Variants in SLC35E3 observed in about 807,000 individuals in gnomAD.
The protein encoded by SLC35E3 is bladder cancer-overexpressed gene 1 protein.
Under a neutral mutation model 30.8 loss-of-function variants are expected in SLC35E3, and 28 were observed. The ratio of observed to expected loss-of-function variants is 0.91; its 90% CI spans 0.67 to 1.25. The LOEUF (loss-of-function observed/expected upper bound fraction) is 1.25. Among genes scored for constraint, SLC35E3 ranks in the 50% most tolerant of loss-of-function variants. The probability of loss-of-function intolerance (pLI) is 0.00; values close to 1 mark genes in which losing one functional copy is unlikely to be tolerated. For missense variants in SLC35E3, 365 were observed against 375.4 expected (o/e 0.97, Z 0.23); for synonymous variants, 146 against 149.2 (o/e 0.98, Z 0.16).
At position 68,772,946 on chromosome 12, in the gene SLC35E3, G is replaced by C. The variant is rs78416519; in HGVS notation, c.*8056G>C. 5,005 of 152,420 alleles carry C rather than the reference G, an allele frequency of 0.033. 269 individuals carry two copies. The highest frequency in any genetic ancestry group is 0.11 in the African/African-American group (4,675 of 41,516). The allele number at this position is 152,420 out of a possible 1,614,324, so 9.4% of individuals were successfully genotyped here. A position where few individuals can be genotyped will look rare whatever the true frequency, so the allele number is the denominator to read the frequency against. Reference sequence around the variant, plus strand: ...AAAGCTCAAGAAGCAGGTCAAGGGGGTGGGTAAGGAAGATGGGACGTTCAA... The same window carrying C: ...AAAGCTCAAGAAGCAGGTCAAGGGGCTGGGTAAGGAAGATGGGACGTTCAA... On this transcript the variant is annotated 3_prime_UTR_variant, in exon 5 of 5. Transcript: ENST00000398004.
rs1592553252 is a variant in SLC35E3 at position 68,780,105 on chromosome 12, TATTTAA to T, written c.*15220_*15225del. 1 of 152,220 alleles carries T rather than the reference TATTTAA, an allele frequency of 6.6e-6. No homozygotes were observed. The highest frequency in any genetic ancestry group is 1.5e-5 in the Non-Finnish European group (1 of 68,044). The allele number at this position is 152,220 out of a possible 1,614,324, so 9.4% of individuals were successfully genotyped here. A position where few individuals can be genotyped will look rare whatever the true frequency, so the allele number is the denominator to read the frequency against. ...GGTTATCCCAAACCAGTTATATTTT[TATTTAA>T]ATTTGCTCAAAATTTTTATTTTTAA... On this transcript the variant is annotated 3_prime_UTR_variant, in exon 5 of 5. Transcript: ENST00000398004.
Position 68,765,119 on chromosome 12 carries a change from G to T in SLC35E3, c.*229G>T, listed in dbSNP as rs1180358621. The T allele has an allele frequency of 1.3e-5, 4 of 306,832 alleles. No homozygotes were observed. The highest frequency in any genetic ancestry group is 2.5e-5 in the Non-Finnish European group (4 of 162,844). The allele number at this position is 306,832 out of a possible 1,614,324, so 19.0% of individuals were successfully genotyped here. On this transcript the variant is annotated 3_prime_UTR_variant, in exon 5 of 5. Coordinates refer to ENST00000398004, the MANE Select transcript of SLC35E3 (RefSeq NM_018656.5). Reference sequence around the variant, plus strand: ...TAATAATACAAAATTAGCCAGGCGTGGTGGCGCATGCCTGTAATCCCAGCT... The same window carrying T: ...TAATAATACAAAATTAGCCAGGCGTTGTGGCGCATGCCTGTAATCCCAGCT...
rs578034824 is a variant in SLC35E3 at position 68,757,980 on chromosome 12, T to C, written c.673-1177T>C. 4.6e-5 allele frequency among the ~76,000 whole-genome samples: 7 copies of C among 151,306 alleles called. No individual in the cohort carries two copies. The East Asian group carries it at 1.4e-3, about 29-fold the overall frequency. ...GGTGGCATGGGCCTGTAATCCCAGC[T>C]ACTGGGGAGGCTGAGGCAGAAGAAT... is the stretch of plus-strand genomic sequence containing the variant. On this transcript the variant is annotated intron_variant, in intron 3 of 4. Coordinates refer to ENST00000398004, the MANE Select transcript of SLC35E3 (RefSeq NM_018656.5).
In SLC35E3 at chr12:68,746,759, A is replaced by T. The variant is rs1192679329; in HGVS notation, c.382A>T (p.Thr128Ser). 6.3e-7 allele frequency: 1 copy of T among 1,590,882 alleles called. No homozygotes were observed. The highest frequency in any genetic ancestry group is 2.3e-5 in the East Asian group (1 of 44,406). Reference protein sequence around the residue: ...QTFCYQKTFSTRIQLTLIPIT... With the variant: ...QTFCYQKTFSSRIQLTLIPIT... ...CTTCTGCTACCAGAAAACCTTCTCC[A>T]CCAGAATCCAGCTCACGCTGGTGAG... is the stretch of plus-strand genomic sequence containing the variant. Residue 128 changes from threonine to serine, a missense_variant, in exon 1 of 5, where the codon ACC (threonine) becomes TCC (serine). Transcript: ENST00000398004.
rs1879709809 is a variant in SLC35E3 at position 68,775,245 on chromosome 12, CT to C, written c.*10358del. On this transcript the variant is annotated 3_prime_UTR_variant, in exon 5 of 5. Transcript: ENST00000398004. ...TGGAGGACCTGCTCTGTCTGTCGGACTTTGGAACTCAGGAAGCAACAACTAA... is the reference window on the plus strand; with the variant it reads ...TGGAGGACCTGCTCTGTCTGTCGGACTTGGAACTCAGGAAGCAACAACTAA... The C allele has an allele frequency of 6.6e-6, 1 of 152,232 alleles. No homozygotes were observed. The highest frequency in any genetic ancestry group is 1.5e-5 in the Non-Finnish European group (1 of 68,052). The allele number at this position is 152,232 out of a possible 1,614,324, so 9.4% of individuals were successfully genotyped here.
intron 4 of SLC35E3, among the ~76,000 whole-genome samples, chr12:68,763,776 G>C (rs972752289): frequency 6.6e-6 from 1 of 152,170 alleles, no homozygotes; most frequent in Non-Finnish European, 1.5e-5. Context: ...TTAATCCAGT[G>C]GCATGTTACT....
Position 68,758,091 on chromosome 12 carries a change from CA to C in SLC35E3, c.673-1053del, listed in dbSNP as rs200316416. On this transcript the variant is annotated intron_variant, in intron 3 of 4. Transcript: ENST00000398004. The stretch of plus-strand genomic sequence containing the variant: ...TAGGCGACAGAATGAGACTCCATCT[CA>C]AAAAAAAAAAAAGAATAAAAATGAG... 4.2e-3 allele frequency among the ~76,000 whole-genome samples: 506 copies of C among 121,144 alleles called. 1 individual carries two copies. The highest frequency in any genetic ancestry group is 3.7e-3 in the Non-Finnish European group (209 of 56,966). 79.5% of individuals were successfully genotyped at this position (121,144 alleles called of 152,430 possible).
intron 3 of SLC35E3, among the ~76,000 whole-genome samples, chr12:68,757,745 C>T (rs1029109948): frequency 9.2e-5 from 14 of 152,138 alleles, no homozygotes; most frequent in African/African-American, 3.4e-4. Context: ...CCTCAGAAGG[C>T]CTGGCCTAAC....
rs922054462 is a variant in SLC35E3, at chr12:68,766,675, C to T, written c.*1785C>T. 9 of 413,502 alleles carry T rather than the reference C, an allele frequency of 2.2e-5. No homozygotes were observed. Among genetic ancestry groups the T allele is most frequent in the African/African-American group, 1.8e-4 (9 of 48,828 alleles). The allele number at this position is 413,502 out of a possible 1,614,324, so 25.6% of individuals were successfully genotyped here. On this transcript the variant is annotated 3_prime_UTR_variant, in exon 5 of 5. Transcript: ENST00000398004. ...TCATGGCTCACTGCAGCCTCAGCCT[C>T]CTGGGCTCAAGCAATCCTCCTGCCT...
Position 68,752,045 on chromosome 12 carries a change from A to G in SLC35E3, c.527A>G (p.Lys176Arg), listed in dbSNP as rs772190947. 1 of 1,599,468 alleles carries G rather than the reference A, an allele frequency of 6.3e-7. No homozygotes were observed. Among genetic ancestry groups the G allele is most frequent in the South Asian group, 1.1e-5 (1 of 87,900 alleles). Reference protein sequence around the residue: ...TSLYQVWVGAKQHELQVNSMQ... With the variant: ...TSLYQVWVGARQHELQVNSMQ... ...CCTAATTTTCAGTGGGTAGGAGCCA[A>G]ACAGCATGAATTACAAGTGAACTCA... The change falls in exon 3 of 5, where the codon AAA becomes AGA. Residue 176 changes from lysine to arginine, a missense_variant. Lys to Arg is a conservative substitution (Grantham distance 26). Transcript: ENST00000398004.
chr12:68,751,807 A>C (rs1354826717), intron 2 of SLC35E3, among the ~76,000 whole-genome samples: 1 of 152,220 alleles, frequency 6.6e-6, no homozygotes, highest in Admixed American at 6.5e-5. Context: ...AATTGAGAAG[A>C]AGCTAGATTA....
chr12:68,752,290 C>A, intron 3 of SLC35E3, 100 bp downstream of exon 3: 1 of 1,127,200 alleles, frequency 8.9e-7, no homozygotes, highest in Non-Finnish European at 1.3e-6. Context: ...CCGATCCATT[C>A]TCACATTTAT....
intron 4 of SLC35E3, among the ~76,000 whole-genome samples, 163 bp downstream of exon 4, chr12:68,759,402 TAAAG>T (rs1336916005): frequency 6.6e-6 from 1 of 152,160 alleles, no homozygotes. Flanking sequence ...TAAAGGATTT[TAAAG>T]AAATATGAAC....
chr12:68,763,525 T>C (rs1225635088), intron 4 of SLC35E3, among the ~76,000 whole-genome samples: 1 of 151,936 alleles, frequency 6.6e-6, no homozygotes, highest in South Asian at 2.1e-4. Flanking sequence ...GAGTAGCCGG[T>C]ATTACAGGCA....
At chr12:68,759,134 T>G in intron 3 of SLC35E3, 23 bp from the exon 4 acceptor site, 1 of 1,525,654 alleles carries the variant, frequency 6.6e-7, no homozygotes, top group East Asian at 2.3e-5. Context: ...TTTGCATTAA[T>G]GGTTCTTTTG....
At position 68,752,048 on chromosome 12, in the gene SLC35E3, A is replaced by T; in HGVS notation, c.530A>T (p.Gln177Leu). ...AATTTTCAGTGGGTAGGAGCCAAAC[A>T]GCATGAATTACAAGTGAACTCAATG... ...SLYQVWVGAK[Q>L]HELQVNSMQL... The change falls in exon 3 of 5, where the codon CAG becomes CTG. Residue 177 changes from glutamine to leucine, a missense_variant. Gln to Leu is a moderately radical substitution (Grantham distance 113). Coordinates refer to ENST00000398004, the MANE Select transcript of SLC35E3 (RefSeq NM_018656.5). 6.2e-7 allele frequency: 1 copy of T among 1,600,738 alleles called. No individual in the cohort carries two copies. The highest frequency in any genetic ancestry group is 8.5e-7 in the Non-Finnish European group (1 of 1,175,876).
intron 3 of SLC35E3, among the ~76,000 whole-genome samples, chr12:68,756,189 G>A (rs1878994082): frequency 6.6e-6 from 1 of 151,070 alleles, no homozygotes; most frequent in Non-Finnish European, 1.5e-5. Context: ...AGCCATCCTG[G>A]TTATCTGGTT....
intron 3 of SLC35E3, among the ~76,000 whole-genome samples, chr12:68,754,045 C>T (rs867903547): frequency 3.9e-5 from 6 of 152,254 alleles, no homozygotes; most frequent in South Asian, 4.1e-4. Flanking sequence ...TGGGGTTTCA[C>T]CATCTTGGCC....
chr12:68,762,334 G>A (rs1021814974), intron 4 of SLC35E3, among the ~76,000 whole-genome samples: 5 of 152,156 alleles, frequency 3.3e-5, no homozygotes, highest in African/African-American at 1.2e-4. Flanking sequence ...AAACTAGGTG[G>A]AGGATGAGAA....
Sources: allele counts gnomAD v4.1 joint callset (sites outside exome capture counted in the v4.1 genomes callset), GRCh38; gene constraint gnomAD v4.1.1; transcripts MANE v1.5; gene names NCBI Gene and HGNC (gene_info 2026-07-23, HGNC 2026-07-21).